Variants in NRXN3 observed in about 807,000 individuals in gnomAD.
NRXN3 encodes the protein neurexin III.
NRXN3 carries 32 observed loss-of-function variants against 137.6 expected under a neutral mutation model. The ratio of observed to expected loss-of-function variants is 0.23; its 90% confidence interval spans 0.18 to 0.31. NRXN3 has a LOEUF of 0.31. NRXN3 is among the 10% of genes least tolerant of loss of function. The pLI is 1.00. For synonymous variants in NRXN3, 798 were observed against 784.5 expected, an observed-to-expected ratio of 1.02 and a Z score of -0.29; for missense variants, 1,574 against 2,062.5, an observed-to-expected ratio of 0.76 and a Z score of 4.59.
chr14:78,717,945 AG>A (rs2098441692), intron 8 of NRXN3, among the ~76,000 whole-genome samples: 1 of 152,182 alleles, frequency 6.6e-6, no homozygotes, highest in Non-Finnish European at 1.5e-5. Context: ...GGCCCAGAGA[AG>A]GGGATCCAAG....
intron 4 of NRXN3, among the ~76,000 whole-genome samples, chr14:78,464,771 A>G (rs1221715233): frequency 6.6e-6 from 1 of 152,222 alleles, no homozygotes; most frequent in African/African-American, 2.4e-5. Context: ...CCAGGATTCT[A>G]ACATACTTTC....
chr14:78,915,947 C>T (rs547263158), intron 10 of NRXN3, among the ~76,000 whole-genome samples: 22 of 152,152 alleles, frequency 1.4e-4, no homozygotes, highest in African/African-American at 3.1e-4. Flanking sequence ...TAATTCAATA[C>T]GACTGGTGTC....
Position 79,862,638 on chromosome 14 carries a change from AG to A in NRXN3, c.*675del, listed in dbSNP as rs1451857956. Reference sequence around the variant, plus strand: ...GAAAAAAACTCAAAACAAAAGCGAGAGAGACTATTGCCATATGAACTCAAAA... The same window carrying A: ...GAAAAAAACTCAAAACAAAAGCGAGAAGACTATTGCCATATGAACTCAAAA... On this transcript the variant is annotated 3_prime_UTR_variant, in exon 21 of 21. Transcript: ENST00000335750. 6.6e-6 allele frequency: 1 copy of A among 152,630 alleles called. No individual in the cohort carries two copies. The highest frequency in any genetic ancestry group is 1.5e-5 in the Non-Finnish European group (1 of 68,044). 9.5% of individuals were successfully genotyped at this position (152,630 alleles called of 1,614,324 possible).
intron 19 of NRXN3, among the ~76,000 whole-genome samples, chr14:79,769,026 A>G (rs1208769396): frequency 6.6e-6 from 1 of 152,068 alleles, no homozygotes; most frequent in Non-Finnish European, 1.5e-5. Context: ...GGTATCAGCA[A>G]TGGAAGATGA....
chr14:78,879,712 C>T (rs1338302358), intron 10 of NRXN3, among the ~76,000 whole-genome samples: 1 of 152,122 alleles, frequency 6.6e-6, no homozygotes, highest in South Asian at 2.1e-4. Context: ...CCCTTTACAC[C>T]TCCTTGCACT....
intron 20 of NRXN3, among the ~76,000 whole-genome samples, chr14:79,831,629 TC>T (rs2099324020): frequency 6.6e-6 from 1 of 152,152 alleles, no homozygotes; most frequent in Non-Finnish European, 1.5e-5. Flanking sequence ...CCCAGCTCCA[TC>T]ACTCTAAGAA....
intron 15 of NRXN3, among the ~76,000 whole-genome samples, chr14:79,131,668 G>C (rs564446714): frequency 4.9e-4 from 74 of 152,350 alleles, no homozygotes; most frequent in African/African-American, 1.6e-3. Context: ...GGAGCCTACA[G>C]AGGCAGGCAG....
At chr14:78,463,142 C>T (rs2094975413) in intron 4 of NRXN3, among the ~76,000 whole-genome samples, 1 of 152,068 alleles carries the variant, frequency 6.6e-6, no homozygotes, top group Non-Finnish European at 1.5e-5. Flanking sequence ...GATAAATGGT[C>T]TCCAGTGCCA....
intron 2 of NRXN3, among the ~76,000 whole-genome samples, chr14:78,275,205 A>G (rs1486637763): frequency 6.6e-6 from 1 of 152,084 alleles, no homozygotes; most frequent in African/African-American, 2.4e-5. Context: ...GGCTCCAATC[A>G]CTATTTGACA....
chr14:79,176,295 G>A (rs2062336072), intron 15 of NRXN3, among the ~76,000 whole-genome samples: 1 of 152,198 alleles, frequency 6.6e-6, no homozygotes, highest in Non-Finnish European at 1.5e-5. Flanking sequence ...TTAGGAATCA[G>A]AAAGAGGCAC....
intron 15 of NRXN3, among the ~76,000 whole-genome samples, chr14:79,452,546 G>T (rs1019380949): frequency 6.6e-6 from 1 of 152,176 alleles, no homozygotes; most frequent in Non-Finnish European, 1.5e-5. Flanking sequence ...GGTGTAGAAA[G>T]TGCCTTATTC....
chr14:78,266,945 AT>A (rs1180037870), intron 2 of NRXN3, among the ~76,000 whole-genome samples: 1 of 152,182 alleles, frequency 6.6e-6, no homozygotes, highest in African/African-American at 2.4e-5. Flanking sequence ...CTAGAAACTC[AT>A]TCTGTCAGGG....
intron 7 of NRXN3, among the ~76,000 whole-genome samples, chr14:78,711,432 C>CTTTTTTTTTTTTTT (rs1254367279): frequency 9.7e-6 from 1 of 103,190 alleles, no homozygotes; most frequent in African/African-American, 3.7e-5. Flanking sequence ...TAATTCTTTT[C>CTTTTTTTTTTTTTT]TCTTTTTTTT....
At chr14:78,174,699 G>T (rs369524194) in intron 1 of NRXN3, among the ~76,000 whole-genome samples, 2 of 152,154 alleles carry the variant, frequency 1.3e-5, no homozygotes, top group Admixed American at 1.3e-4. Flanking sequence ...GTAGTGACGG[G>T]GAAGGAAGGC....
At chr14:78,891,525 G>C (rs28567634) in intron 10 of NRXN3, among the ~76,000 whole-genome samples, 1 of 151,832 alleles carries the variant, frequency 6.6e-6, no homozygotes, top group African/African-American at 2.4e-5. Flanking sequence ...AAATTCCCAC[G>C]CTTCCCTGTC....
chr14:79,735,112 G>A (rs1568052705), intron 19 of NRXN3, among the ~76,000 whole-genome samples: 1 of 152,134 alleles, frequency 6.6e-6, no homozygotes, highest in Non-Finnish European at 1.5e-5. Context: ...TTCTAATACA[G>A]CAGCTTCTCA....
At chr14:79,441,691 A>G (rs1275696872) in intron 15 of NRXN3, among the ~76,000 whole-genome samples, 2 of 151,870 alleles carry the variant, frequency 1.3e-5, no homozygotes, top group Non-Finnish European at 2.9e-5. Context: ...ACAAACAGAA[A>G]ATCTTAGAGG....
At chr14:78,592,469 C>A (rs1566835154) in intron 4 of NRXN3, among the ~76,000 whole-genome samples, 2 of 152,136 alleles carry the variant, frequency 1.3e-5, no homozygotes, top group Admixed American at 6.5e-5. Context: ...CATGCCTGCC[C>A]TGTTTCCCCA....
At chr14:78,518,385 G>T (rs1434125324) in intron 4 of NRXN3, among the ~76,000 whole-genome samples, 1 of 152,066 alleles carries the variant, frequency 6.6e-6, no homozygotes, top group Non-Finnish European at 1.5e-5. Context: ...TTCTCTCTAG[G>T]TGGGGATCTA....
Sources: allele counts gnomAD v4.1 joint callset (sites outside exome capture counted in the v4.1 genomes callset), GRCh38; gene constraint gnomAD v4.1.1; transcripts MANE v1.5; gene names NCBI Gene and HGNC (gene_info 2026-07-23, HGNC 2026-07-21).